The following KIF6 variants were observed in gnomAD, a reference collection of about 807,000 sequenced individuals.
The protein encoded by KIF6 is kinesin-like protein KIF6.
In KIF6, 106 loss-of-function variants were observed where a neutral mutation model predicts 112.7. That is an observed-to-expected ratio of 0.94 (90% CI 0.80 to 1.11). The LOEUF (loss-of-function observed/expected upper bound fraction) is 1.11, where lower values mean the gene tolerates loss of function less well. Among genes scored for constraint, KIF6 ranks in the 50% least tolerant of loss-of-function variants. KIF6 has a pLI of 0.00. For missense variants in KIF6, 929 were observed against 964.0 expected, an observed-to-expected ratio of 0.96 and a Z score of 0.48; for synonymous variants, 339 against 339.9, an observed-to-expected ratio of 1.00 and a Z score of 0.03.
chr6:39,482,298 G>T (rs568351709), intron 13 of KIF6, among the ~76,000 whole-genome samples: 1 of 152,288 alleles, frequency 6.6e-6, no homozygotes, highest in Admixed American at 6.5e-5. Context: ...CTGGTGAATT[G>T]CAGGGAGGTC....
chr6:39,416,580 A>G (rs754518633), intron 15 of KIF6, among the ~76,000 whole-genome samples: 1 of 152,230 alleles, frequency 6.6e-6, no homozygotes, highest in Non-Finnish European at 1.5e-5. Context: ...AGAGAAAGAC[A>G]AAAAGGAGTT....
chr6:39,355,441 CT>C (rs1350843638), intron 19 of KIF6, among the ~76,000 whole-genome samples: 1 of 140,024 alleles, frequency 7.1e-6, no homozygotes. Context: ...ACTGGCTGGC[CT>C]TTTAATTTTA....
intron 3 of KIF6, among the ~76,000 whole-genome samples, chr6:39,696,256 A>G (rs1216107347): frequency 6.6e-6 from 1 of 152,230 alleles, no homozygotes. Context: ...TAATATACCC[A>G]TGTTATACAC....
chr6:39,360,679 G>T, intron 17 of KIF6, 149 bp from the exon 18 acceptor site: 1 of 790,900 alleles, frequency 1.3e-6, no homozygotes, highest in Non-Finnish European at 2.0e-6. Context: ...AGCTTCGGAG[G>T]CCAGGCTATG....
chr6:39,635,180 G>C (rs12526909), intron 4 of KIF6, among the ~76,000 whole-genome samples: 21,252 of 151,628 alleles, frequency 0.14, 1,724 homozygotes, highest in Admixed American at 0.24. Flanking sequence ...ACTTCAGTCT[G>C]TTATTTTTTA....
chr6:39,419,613 C>A (rs541491978), intron 15 of KIF6, among the ~76,000 whole-genome samples: 1 of 152,124 alleles, frequency 6.6e-6, no homozygotes, highest in African/African-American at 2.4e-5. Context: ...ACTTGAAATA[C>A]GAAATGACGT....
chr6:39,392,001 C>T (rs1033863500), intron 15 of KIF6, among the ~76,000 whole-genome samples: 27 of 152,148 alleles, frequency 1.8e-4, no homozygotes, highest in African/African-American at 6.3e-4. Context: ...CCTGATACTT[C>T]ATGTCTCATG....
At chr6:39,504,083 T>A (rs1016430067) in intron 13 of KIF6, among the ~76,000 whole-genome samples, 4 of 152,068 alleles carry the variant, frequency 2.6e-5, no homozygotes, top group Non-Finnish European at 1.5e-5. Context: ...ATATTCTTGA[T>A]GAACATTAAT....
At chr6:39,678,039 A>T (rs572107030) in intron 3 of KIF6, among the ~76,000 whole-genome samples, 3 of 152,060 alleles carry the variant, frequency 2.0e-5, no homozygotes, top group Non-Finnish European at 4.4e-5. Context: ...CAGCCAAAAA[A>T]CACATGAAGA....
rs73732160 is a variant in KIF6 at position 39,603,546 on chromosome 6, G to A, written c.640-7286C>T. The stretch of plus-strand genomic sequence containing the variant: ...GTGATGCATTTTTTTTTTGTGGGGG[G>A]TGTGTGTGTGTGCGTGTGTGTCCAG... On this transcript the variant is annotated intron_variant, in intron 6 of 22. Transcript: ENST00000287152. Among the ~76,000 whole-genome samples the A allele has an allele frequency of 5.4e-5, 8 of 149,138 alleles. No homozygotes were observed. In the South Asian group the frequency reaches 1.0e-3, roughly 19 times the overall value.
intron 16 of KIF6, among the ~76,000 whole-genome samples, chr6:39,382,482 C>G (rs914823521): frequency 6.6e-6 from 1 of 152,096 alleles, no homozygotes; most frequent in Non-Finnish European, 1.5e-5. Context: ...ATTCATGTTG[C>G]CGCAAAGGAT....
intron 13 of KIF6, among the ~76,000 whole-genome samples, chr6:39,476,914 A>G (rs1774459765): frequency 6.6e-6 from 1 of 152,206 alleles, no homozygotes; most frequent in African/African-American, 2.4e-5. Context: ...TTTAAGATTT[A>G]TAGCTTCAAT....
At chr6:39,455,159 G>A (rs573309690) in intron 13 of KIF6, among the ~76,000 whole-genome samples, 6 of 152,284 alleles carry the variant, frequency 3.9e-5, no homozygotes, top group Admixed American at 1.3e-4. Flanking sequence ...CTCATAGCAC[G>A]CAGCTGGAGA....
intron 15 of KIF6, among the ~76,000 whole-genome samples, chr6:39,398,251 C>T (rs536242674): frequency 2.0e-5 from 3 of 152,188 alleles, no homozygotes; most frequent in Admixed American, 6.5e-5. Context: ...TCAGTTCCTT[C>T]GTGGCTAGGG....
chr6:39,514,841 A>T (rs1349333362), intron 13 of KIF6, among the ~76,000 whole-genome samples: 1 of 152,234 alleles, frequency 6.6e-6, no homozygotes, highest in African/African-American at 2.4e-5. Context: ...ATGGATGGAC[A>T]AATGGAAAAT....
chr6:39,618,493 G>C (rs187269463), intron 5 of KIF6, among the ~76,000 whole-genome samples: 21 of 152,218 alleles, frequency 1.4e-4, no homozygotes, highest in Admixed American at 1.2e-3. Context: ...CCTCCCTTTT[G>C]GAGTTTCGGC....
In KIF6 at chr6:39,510,093, TC is replaced by T. The variant is rs1360985561; in HGVS notation, c.1645+29909del. Among the ~76,000 whole-genome samples the T allele has an allele frequency of 3.0e-5, 4 of 134,702 alleles. No homozygotes were observed. In the East Asian group the frequency reaches 8.3e-4, roughly 28 times the overall value. 88.4% of individuals were successfully genotyped at this position (134,702 alleles called of 152,430 possible). On this transcript the variant is annotated intron_variant, in intron 13 of 22. Coordinates refer to ENST00000287152, the MANE Select transcript of KIF6 (RefSeq NM_145027.6). The stretch of plus-strand genomic sequence containing the variant: ...GCCAATATTCAACATTCTTTTCTTT[TC>T]TTTTTTTTTTTTTTTTTGAGATGGA...
At chr6:39,686,739 A>C (rs943447425) in intron 3 of KIF6, among the ~76,000 whole-genome samples, 5 of 152,172 alleles carry the variant, frequency 3.3e-5, no homozygotes, top group African/African-American at 1.2e-4. Flanking sequence ...CCAAGACCCA[A>C]AGCATAAACA....
chr6:39,473,633 A>G (rs1774262041), intron 13 of KIF6, among the ~76,000 whole-genome samples: 1 of 152,220 alleles, frequency 6.6e-6, no homozygotes, highest in Non-Finnish European at 1.5e-5. Flanking sequence ...ATGAAAAAGA[A>G]AGCAATATGC....
Sources: allele counts gnomAD v4.1 joint callset (sites outside exome capture counted in the v4.1 genomes callset), GRCh38; gene constraint gnomAD v4.1.1; transcripts MANE v1.5; gene names NCBI Gene and HGNC (gene_info 2026-07-23, HGNC 2026-07-21).